Variants in URI1 observed in about 807,000 individuals in gnomAD.
URI1 encodes the protein URI1 prefoldin like chaperone, also known as unconventional prefoldin RPB5 interactor 1.
Under a neutral mutation model 60.2 loss-of-function variants are expected in URI1, and 39 were observed. The observed-to-expected ratio is 0.65, with a 90% CI of 0.50 to 0.85. URI1 has a LOEUF of 0.85. Ranked by LOEUF, URI1 falls within the 40% of genes least tolerant of loss-of-function variation. The pLI is 0.00. For missense variants in URI1, 691 were observed against 665.9 expected (o/e 1.04, Z -0.42); for synonymous variants, 251 against 236.8 (o/e 1.06, Z -0.55).
intron 1 of URI1, among the ~76,000 whole-genome samples, chr19:29,967,932 G>C (rs1183391663): frequency 6.6e-6 from 1 of 152,166 alleles, no homozygotes; most frequent in Non-Finnish European, 1.5e-5. Context: ...CACATGCAGT[G>C]TTGGCATATA....
Position 29,997,468 on chromosome 19 carries a change from TTTG to T in URI1, c.368-7889_368-7887del, listed in dbSNP as rs1273419263. On this transcript the variant is annotated intron_variant, in intron 4 of 10. Coordinates refer to ENST00000392271, the MANE Select transcript of URI1 (RefSeq NM_003796.3). The stretch of plus-strand genomic sequence containing the variant: ...GACAGTCTAATAAAGATTTGTCAAT[TTTG>T]TTGATCTTGTAAAAAACCAACTTTT... 4.6e-5 allele frequency among the ~76,000 whole-genome samples: 7 copies of T among 152,280 alleles called. No homozygotes were observed. In the East Asian group the frequency reaches 1.3e-3, roughly 29 times the overall value.
chr19:29,979,012 AG>A (rs1040413282), intron 2 of URI1, among the ~76,000 whole-genome samples: 138 of 152,316 alleles, frequency 9.1e-4, no homozygotes, highest in African/African-American at 3.2e-3. Flanking sequence ...AGTTTCTCAT[AG>A]GGATCAGTGA....
chr19:29,989,138 TCTCA>T (rs893661669), intron 4 of URI1, among the ~76,000 whole-genome samples: 56 of 152,016 alleles, frequency 3.7e-4, no homozygotes, highest in African/African-American at 1.3e-3. Context: ...TGAGATGGAG[TCTCA>T]CTCTGTCGCC....
chr19:29,991,456 C>G (rs7246071), intron 4 of URI1, among the ~76,000 whole-genome samples: 12,723 of 152,198 alleles, frequency 0.084, 721 homozygotes, highest in East Asian at 0.22. Context: ...ACATTGTATC[C>G]TCCATTCATG....
At chr19:29,982,216 C>T (rs1715246506) in intron 2 of URI1, among the ~76,000 whole-genome samples, 2 of 152,084 alleles carry the variant, frequency 1.3e-5, no homozygotes, top group Non-Finnish European at 2.9e-5. Flanking sequence ...GAAAATAATT[C>T]AAAATTTATA....
chr19:30,012,531 G>GGT lies in URI1; in HGVS notation c.1425+11_1425+12dup, dbSNP rs769935900. 4.6e-5 allele frequency: 74 copies of GGT among 1,613,442 alleles called. No individual in the cohort carries two copies. The highest frequency in any genetic ancestry group is 4.2e-4 in the East Asian group (19 of 44,862). On this transcript the variant is annotated frameshift_variant and splice_region_variant. Coordinates refer to ENST00000392271, the MANE Select transcript of URI1 (RefSeq NM_003796.3). LOFTEE classifies it high-confidence loss of function. ...TTTTGCCCTTATCAGTAACACCTGAGGTGTGTGTGTGTATCTTTTAATTCT... is the reference window on the plus strand; with the variant it reads ...TTTTGCCCTTATCAGTAACACCTGAGGTGTGTGTGTGTGTATCTTTTAATTCT...
rs548706374 is a variant in URI1, at chr19:29,955,827, G to T, written c.117+13163G>T. ...GCAGGTCTCAAACTCCTGACCTCAG[G>T]TGATGTGCCCTCCTTGGCCCCCCAA... On this transcript the variant is annotated intron_variant, in intron 1 of 10. Coordinates refer to ENST00000392271, the MANE Select transcript of URI1 (RefSeq NM_003796.3). Among the ~76,000 whole-genome samples, 23 of 152,070 alleles carry T rather than the reference G, an allele frequency of 1.5e-4. 1 individual carries two copies. The South Asian group carries it at 4.8e-3, about 32-fold the overall frequency.
chr19:29,983,468 T>G (rs1024947596), intron 2 of URI1, among the ~76,000 whole-genome samples: 1 of 152,214 alleles, frequency 6.6e-6, no homozygotes, highest in African/African-American at 2.4e-5. Flanking sequence ...CTGAAACCAA[T>G]TCTGTGATGT....
At chr19:29,959,572 T>G (rs1403078421) in intron 1 of URI1, among the ~76,000 whole-genome samples, 2 of 152,214 alleles carry the variant, frequency 1.3e-5, no homozygotes, top group Admixed American at 6.5e-5. Flanking sequence ...GATTTTCTGT[T>G]TCTAGTTATA....
At chr19:30,005,730 T>C in intron 6 of URI1, 22 bp downstream of exon 6, 1 of 1,598,502 alleles carries the variant, frequency 6.3e-7, no homozygotes, top group Non-Finnish European at 8.5e-7. Flanking sequence ...GATTGTTTTA[T>C]GTGTAGCTGT....
Position 29,976,277 on chromosome 19 carries a change from G to A in URI1, c.152+5050G>A, listed in dbSNP as rs549303414. On this transcript the variant is annotated intron_variant, in intron 2 of 10. Coordinates refer to ENST00000392271, the MANE Select transcript of URI1 (RefSeq NM_003796.3). Reference sequence around the variant, plus strand: ...TACTTGCACATGATTCAGTGGGTGTGCATATTAAGCTGGGCTCACCTGTGT... The same window carrying A: ...TACTTGCACATGATTCAGTGGGTGTACATATTAAGCTGGGCTCACCTGTGT... Among the ~76,000 whole-genome samples the A allele has an allele frequency of 2.6e-5, 4 of 152,290 alleles. No homozygotes were observed. The East Asian group carries it at 7.7e-4, about 29-fold the overall frequency.
At chr19:30,008,218 G>T (rs1235964869) in intron 7 of URI1, among the ~76,000 whole-genome samples, 3 of 152,128 alleles carry the variant, frequency 2.0e-5, no homozygotes, top group Non-Finnish European at 4.4e-5. Flanking sequence ...AATGCTAAAT[G>T]AAATCTGCTA....
chr19:29,940,877 G>T (rs545833801), upstream of URI1, among the ~76,000 whole-genome samples: 8 of 152,290 alleles, frequency 5.3e-5, no homozygotes, highest in East Asian at 1.2e-3. Context: ...GGGCAGCAAG[G>T]CCAGATCAAT....
chr19:29,952,836 A>G (rs1181325482), intron 1 of URI1, among the ~76,000 whole-genome samples: 1 of 152,156 alleles, frequency 6.6e-6, no homozygotes, highest in Non-Finnish European at 1.5e-5. Context: ...CCCAAACAGA[A>G]ACTCTCTACC....
At chr19:29,992,067 G>T (rs1421171335) in intron 4 of URI1, among the ~76,000 whole-genome samples, 6 of 151,880 alleles carry the variant, frequency 4.0e-5, no homozygotes, top group East Asian at 1.9e-4. Flanking sequence ...TTTAAAGTGG[G>T]TTTCTTTTTT....
At chr19:29,954,916 T>C (rs1209422250) in intron 1 of URI1, among the ~76,000 whole-genome samples, 2 of 152,274 alleles carry the variant, frequency 1.3e-5, no homozygotes, top group East Asian at 1.9e-4. Context: ...TGCTTTCTTA[T>C]ACAAAAGGCA....
At chr19:30,014,801 A>C in intron 10 of URI1, 86 bp from the exon 11 acceptor site, 1 of 1,343,874 alleles carries the variant, frequency 7.4e-7, no homozygotes. Flanking sequence ...ACTTTTAATG[A>C]AAAGAATTGC....
chr19:29,968,705 A>G (rs1250152232), intron 1 of URI1, among the ~76,000 whole-genome samples: 2 of 148,988 alleles, frequency 1.3e-5, no homozygotes, highest in Admixed American at 6.8e-5. Flanking sequence ...CCGAGTAGCC[A>G]GGACTACAGG....
At chr19:29,961,130 G>C (rs2055318047) in intron 1 of URI1, among the ~76,000 whole-genome samples, 1 of 151,974 alleles carries the variant, frequency 6.6e-6, no homozygotes, top group Admixed American at 6.6e-5. Context: ...CAAAGTGCTG[G>C]GAAATAGGCA....
Sources: allele counts gnomAD v4.1 joint callset (sites outside exome capture counted in the v4.1 genomes callset), GRCh38; gene constraint gnomAD v4.1.1; transcripts MANE v1.5; gene names NCBI Gene and HGNC (gene_info 2026-07-23, HGNC 2026-07-21).